PDE2A: variants seen among roughly 807,000 people sequenced by gnomAD.
PDE2A encodes cGMP-dependent 3',5'-cyclic phosphodiesterase.
A neutral mutation model predicts 133.6 loss-of-function variants in PDE2A; 53 were observed. The ratio of observed to expected loss-of-function variants is 0.40; its 90% confidence interval spans 0.32 to 0.50. The LOEUF (loss-of-function observed/expected upper bound fraction) is 0.50. Ranked by LOEUF, PDE2A falls within the 20% of genes least tolerant of loss-of-function variation. The pLI, the probability that PDE2A is intolerant of heterozygous loss-of-function variation, is 0.73. For synonymous variants in PDE2A, 491 were observed against 490.2 expected, an observed-to-expected ratio of 1.00 and a Z score of -0.02; for missense variants, 796 against 1,232.4, an observed-to-expected ratio of 0.65 and a Z score of 5.30.
intron 2 of PDE2A, among the ~76,000 whole-genome samples, chr11:72,631,655 G>A (rs564918996): frequency 4.6e-5 from 7 of 152,180 alleles, no homozygotes; most frequent in East Asian, 1.9e-4. Flanking sequence ...CCAGCCTGGC[G>A]CCCAGTCATC....
rs118043077 is a variant in PDE2A at position 72,663,068 on chromosome 11, C to T, written c.71+11069G>A. 7.3e-3 allele frequency among the ~76,000 whole-genome samples: 1,113 copies of T among 152,306 alleles called. 12 individuals carry two copies. Among genetic ancestry groups the T allele is most frequent in the Non-Finnish European group, 9.6e-3 (650 of 68,030 alleles). On this transcript the variant is annotated intron_variant, in intron 1 of 30. Coordinates refer to ENST00000334456, the MANE Select transcript of PDE2A (RefSeq NM_002599.5). ...TCTCAGTTGTTCTTTAAGGCTAAGA[C>T]CCAGCATCGCCTCCTCAGGAAGGGT...
intron 2 of PDE2A, among the ~76,000 whole-genome samples, chr11:72,629,537 A>G (rs1858265175): frequency 6.6e-6 from 1 of 152,204 alleles, no homozygotes; most frequent in Non-Finnish European, 1.5e-5. Flanking sequence ...AAATAAATTA[A>G]TAATGTGGCT....
intron 2 of PDE2A, among the ~76,000 whole-genome samples, chr11:72,614,691 C>T (rs1857374686): frequency 6.6e-6 from 1 of 152,190 alleles, no homozygotes; most frequent in Non-Finnish European, 1.5e-5. Context: ...ATCTTGGATC[C>T]TCCTACAAGC....
At chr11:72,614,836 G>T (rs925136157) in intron 2 of PDE2A, among the ~76,000 whole-genome samples, 1 of 152,166 alleles carries the variant, frequency 6.6e-6, no homozygotes, top group African/African-American at 2.4e-5. Context: ...GGAGAGGCTG[G>T]GGGTGGAAGG....
intron 14 of PDE2A, 138 bp from the exon 15 acceptor site, chr11:72,585,731 T>A: frequency 1.4e-6 from 1 of 727,802 alleles, no homozygotes; most frequent in Non-Finnish European, 2.4e-6. Context: ...TGTCAGTGTC[T>A]AATTATATCA....
chr11:72,585,982 A>G (rs2135291003), intron 14 of PDE2A, 88 bp downstream of exon 14: 2 of 799,532 alleles, frequency 2.5e-6, no homozygotes, highest in Non-Finnish European at 4.3e-6. Flanking sequence ...CAGTCCAGAA[A>G]GACATGGGCA....
chr11:72,616,990 G>A (rs1219850006), intron 2 of PDE2A, among the ~76,000 whole-genome samples: 1 of 152,230 alleles, frequency 6.6e-6, no homozygotes, highest in East Asian at 1.9e-4. Context: ...AGAGGAGGCA[G>A]GGAAGGATTC....
At chr11:72,622,850 T>C (rs1247088699) in intron 2 of PDE2A, among the ~76,000 whole-genome samples, 2 of 152,196 alleles carry the variant, frequency 1.3e-5, no homozygotes, top group Non-Finnish European at 2.9e-5. Context: ...AAGTTATGTA[T>C]ATTTTACCAC....
At chr11:72,642,231 G>C (rs965650716) in intron 2 of PDE2A, 23 bp downstream of exon 2, 1 of 1,483,360 alleles carries the variant, frequency 6.7e-7, no homozygotes, top group Non-Finnish European at 8.9e-7. Context: ...TTCTCCTGGT[G>C]CCCAGCGCGG....
chr11:72,598,695 G>T, intron 4 of PDE2A: 1 of 1,282,670 alleles, frequency 7.8e-7, no homozygotes, highest in Non-Finnish European at 1.0e-6. Context: ...AAAGGAGGGG[G>T]TGGCCTGCAA....
chr11:72,616,289 G>A (rs1191892394), intron 2 of PDE2A, among the ~76,000 whole-genome samples: 6 of 152,202 alleles, frequency 3.9e-5, no homozygotes, highest in Non-Finnish European at 8.8e-5. Context: ...CTCCAGGCAA[G>A]TCTGACCCTC....
At chr11:72,601,221 A>C (rs1591051125) in intron 4 of PDE2A, among the ~76,000 whole-genome samples, 2 of 576 alleles carry the variant, frequency 3.5e-3, no homozygotes, top group Non-Finnish European at 7.0e-3. Flanking sequence ...CCTCACTCTC[A>C]CTGTGCCCCA....
intron 2 of PDE2A, 38 bp from the exon 3 acceptor site, chr11:72,608,789 G>T: frequency 1.7e-6 from 2 of 1,147,026 alleles, no homozygotes; most frequent in Non-Finnish European, 2.6e-6. Context: ...GCTTTGCCAG[G>T]CAGGCCAGGG....
rs148699790 is a variant in PDE2A, at chr11:72,613,613, T to C, written c.145-4862A>G. ...CGTCCTCTCTTCCTCTCATAGCTTCTCCTCCCACTCTCCATCTCTCTCCTG... is the reference window on the plus strand; with the variant it reads ...CGTCCTCTCTTCCTCTCATAGCTTCCCCTCCCACTCTCCATCTCTCTCCTG... On this transcript the variant is annotated intron_variant, in intron 2 of 30. Transcript: ENST00000334456. Among the ~76,000 whole-genome samples the C allele has an allele frequency of 1.1e-3, 166 of 152,002 alleles. 1 individual carries two copies. The highest frequency in any genetic ancestry group is 2.1e-3 in the South Asian group (10 of 4,804).
chr11:72,636,842 G>A (rs2135427955), intron 2 of PDE2A, among the ~76,000 whole-genome samples: 1 of 152,260 alleles, frequency 6.6e-6, no homozygotes, highest in South Asian at 2.1e-4. Context: ...TATTGAACAT[G>A]CAGATCTGAT....
At chr11:72,618,902 C>G (rs1857610635) in intron 2 of PDE2A, among the ~76,000 whole-genome samples, 1 of 152,210 alleles carries the variant, frequency 6.6e-6, no homozygotes, top group Admixed American at 6.5e-5. Context: ...ACCCAGCCCG[C>G]CAGGCAGGCA....
chr11:72,648,578 G>C (rs1859192292), intron 1 of PDE2A, among the ~76,000 whole-genome samples: 1 of 152,228 alleles, frequency 6.6e-6, no homozygotes, highest in South Asian at 2.1e-4. Context: ...ATGCATGTTT[G>C]TCTTGTCTGC....
chr11:72,656,466 G>A (rs1293950943), intron 1 of PDE2A, among the ~76,000 whole-genome samples: 1 of 152,052 alleles, frequency 6.6e-6, no homozygotes, highest in African/African-American at 2.4e-5. Context: ...GTCTGGGCTG[G>A]GTCTCCAAAG....
intron 1 of PDE2A, among the ~76,000 whole-genome samples, chr11:72,673,749 C>CT (rs1855437640): frequency 3.7e-5 from 1 of 27,208 alleles, no homozygotes; most frequent in South Asian, 9.0e-4. Context: ...CACTCTCCCT[C>CT]TCCGGGTCCT....
Sources: allele counts gnomAD v4.1 joint callset (sites outside exome capture counted in the v4.1 genomes callset), GRCh38; gene constraint gnomAD v4.1.1; transcripts MANE v1.5; gene names NCBI Gene and HGNC (gene_info 2026-07-23, HGNC 2026-07-21).